FSHR: variants seen among roughly 807,000 people sequenced by gnomAD.
FSHR encodes follicle-stimulating hormone receptor.
FSHR carries 46 observed loss-of-function variants against 52.1 expected under a neutral mutation model. That is an observed-to-expected ratio of 0.88 (90% confidence interval 0.70 to 1.13). The LOEUF (loss-of-function observed/expected upper bound fraction) is 1.13, where lower values mean the gene tolerates loss of function less well. Ranked by LOEUF, FSHR falls within the 50% of genes most tolerant of loss-of-function variation. The pLI, the probability that FSHR is intolerant of heterozygous loss-of-function variation, is 0.00. For missense variants in FSHR, 964 were observed against 834.6 expected, an observed-to-expected ratio of 1.16 and a Z score of -1.91; for synonymous variants, 399 against 309.6, an observed-to-expected ratio of 1.29 and a Z score of -3.03.
At chr2:49,095,550 T>C (rs1670793224) in intron 1 of FSHR, among the ~76,000 whole-genome samples, 3 of 152,162 alleles carry the variant, frequency 2.0e-5, no homozygotes, top group Admixed American at 2.0e-4. Context: ...AGTAAATATA[T>C]GTGACCTTGG....
intron 2 of FSHR, among the ~76,000 whole-genome samples, chr2:49,055,148 C>T: frequency 6.6e-6 from 1 of 151,922 alleles, no homozygotes; most frequent in East Asian, 1.9e-4. Context: ...AGGAAAACAA[C>T]TCATAACTTG....
intron 1 of FSHR, among the ~76,000 whole-genome samples, chr2:49,123,885 G>A (rs1420340946): frequency 6.6e-6 from 1 of 152,134 alleles, no homozygotes; most frequent in Non-Finnish European, 1.5e-5. Context: ...TAGGGTATGT[G>A]GCTTAAGTCT....
At chr2:49,132,968 T>TAAAAAAAAAAAAAAAAA (rs34913428) in intron 1 of FSHR, among the ~76,000 whole-genome samples, 14 of 48,650 alleles carry the variant, frequency 2.9e-4, no homozygotes, top group African/African-American at 1.1e-3. Context: ...TAAAACTCAG[T>TAAAAAAAAAAAAAAAAA]AAAAAAAAAA....
At chr2:49,080,370 C>G (rs1386999260) in intron 1 of FSHR, among the ~76,000 whole-genome samples, 1 of 152,126 alleles carries the variant, frequency 6.6e-6, no homozygotes, top group African/African-American at 2.4e-5. Context: ...ACATGTACAC[C>G]TGGGGTCAGA....
At chr2:49,028,812 G>A (rs182647657) in intron 2 of FSHR, among the ~76,000 whole-genome samples, 2 of 152,314 alleles carry the variant, frequency 1.3e-5, no homozygotes, top group Non-Finnish European at 2.9e-5. Flanking sequence ...AGATGGCAAA[G>A]CTGCTTTTGC....
intron 1 of FSHR, among the ~76,000 whole-genome samples, chr2:49,090,631 T>C (rs1251634538): frequency 6.6e-6 from 1 of 152,222 alleles, no homozygotes; most frequent in East Asian, 1.9e-4. Flanking sequence ...GATAAATATA[T>C]AGTAGTGAAA....
At position 49,020,132 on chromosome 2, in the gene FSHR, C is replaced by T; in HGVS notation, c.253G>A (p.Val85Met). The change falls in exon 3 of 10, where the codon GTG becomes ATG. Residue 85 changes from valine (V) to methionine (M), a missense_variant. Coordinates refer to ENST00000406846, the MANE Select transcript of FSHR (RefSeq NM_000145.4). ...IEISQNDVLE[V>M]IEADVFSNLP... ...TTGGAGAACACATCTGCCTCTATCA[C>T]CTCCAAGACATCATTCTGAGAGATC... The T allele has an allele frequency of 6.2e-7, 1 of 1,613,660 alleles. No homozygotes were observed. The highest frequency in any genetic ancestry group is 8.5e-7 in the Non-Finnish European group (1 of 1,179,624).
chr2:49,100,548 A>T (rs1670988357), intron 1 of FSHR, among the ~76,000 whole-genome samples: 1 of 152,124 alleles, frequency 6.6e-6, no homozygotes, highest in Non-Finnish European at 1.5e-5. Context: ...TTCTCCCAAA[A>T]CCCTTACCCA....
chr2:49,017,086 A>G (rs2104209905), intron 4 of FSHR, among the ~76,000 whole-genome samples: 1 of 152,316 alleles, frequency 6.6e-6, no homozygotes, highest in South Asian at 2.1e-4. Flanking sequence ...AAACAAAATA[A>G]AATGCTGATA....
intron 4 of FSHR, among the ~76,000 whole-genome samples, chr2:49,008,093 T>A (rs919039467): frequency 6.6e-6 from 1 of 150,632 alleles, no homozygotes; most frequent in Admixed American, 6.6e-5. Flanking sequence ...TAGTTACATA[T>A]GTATACATGT....
chr2:49,126,682 G>A (rs1041316241), intron 1 of FSHR, among the ~76,000 whole-genome samples: 1 of 152,152 alleles, frequency 6.6e-6, no homozygotes, highest in African/African-American at 2.4e-5. Context: ...GTTCAATTCT[G>A]TCACTGTATA....
intron 1 of FSHR, among the ~76,000 whole-genome samples, chr2:49,073,382 A>G (rs1269408814): frequency 6.6e-6 from 1 of 152,088 alleles, no homozygotes; most frequent in Non-Finnish European, 1.5e-5. Context: ...ATTAATATAC[A>G]AAATCAGTAG....
intron 4 of FSHR, among the ~76,000 whole-genome samples, chr2:49,009,365 T>A (rs572511997): frequency 2.0e-5 from 3 of 152,094 alleles, no homozygotes; most frequent in Non-Finnish European, 2.9e-5. Flanking sequence ...CTGAGGGCTC[T>A]GTTCTGTTCC....
intron 1 of FSHR, among the ~76,000 whole-genome samples, chr2:49,146,570 A>G (rs1195625768): frequency 6.6e-6 from 1 of 152,002 alleles, no homozygotes. Flanking sequence ...TATTCAGCCC[A>G]AGGGAAACAT....
intron 1 of FSHR, among the ~76,000 whole-genome samples, chr2:49,080,852 T>G (rs1478840852): frequency 6.6e-6 from 1 of 152,124 alleles, no homozygotes; most frequent in Non-Finnish European, 1.5e-5. Flanking sequence ...AGCCATCTCC[T>G]TTACAGGGTT....
At chr2:49,015,887 T>C (rs550124789) in intron 4 of FSHR, among the ~76,000 whole-genome samples, 1 of 152,292 alleles carries the variant, frequency 6.6e-6, no homozygotes, top group African/African-American at 2.4e-5. Flanking sequence ...GCGGGGGCCC[T>C]CCTGAGCACA....
rs765376400 is a variant in FSHR, at chr2:48,968,873, T to C, written c.679A>G (p.Arg227Gly). Reference protein sequence around the residue: ...ASGPVILDISRTRIHSLPSYG... With the variant: ...ASGPVILDISGTRIHSLPSYG... The stretch of plus-strand genomic sequence containing the variant: ...CTAGGCAGGGAATGGATCCTTGTTC[T>C]TGAAATATCTCTATAAAGAGAAAAG... The change falls in exon 9 of 10, where the codon AGA becomes GGA. Residue 227 changes from arginine to glycine, a missense_variant. Transcript: ENST00000406846. 1 of 1,613,322 alleles carries C rather than the reference T, an allele frequency of 6.2e-7. No individual in the cohort carries two copies. Among genetic ancestry groups the C allele is most frequent in the African/African-American group, 1.3e-5 (1 of 74,890 alleles).
chr2:49,021,385 T>C (rs1319850137), intron 2 of FSHR, among the ~76,000 whole-genome samples: 1 of 152,216 alleles, frequency 6.6e-6, no homozygotes, highest in African/African-American at 2.4e-5. Context: ...TTAGGCCTCC[T>C]GAGGAAGACT....
chr2:49,128,556 G>T (rs937781238), intron 1 of FSHR, among the ~76,000 whole-genome samples: 1 of 151,970 alleles, frequency 6.6e-6, no homozygotes, highest in African/African-American at 2.4e-5. Flanking sequence ...AAGAAGAAAA[G>T]CAAGGGATGA....
Sources: gnomAD v4.1 joint callset for allele counts (sites outside exome capture counted in the v4.1 genomes callset) on GRCh38, gnomAD v4.1.1 for gene constraint, MANE v1.5 for transcripts, NCBI Gene and HGNC (gene_info 2026-07-23, HGNC 2026-07-21) for gene names.